BRINP3: variants seen among roughly 807,000 people sequenced by gnomAD.
BRINP3 encodes the protein BMP/retinoic acid inducible neural specific 3, also known as BMP/retinoic acid-inducible neural-specific protein 3.
BRINP3 carries 19 observed loss-of-function variants against 71.0 expected under a neutral mutation model. That is an observed-to-expected ratio of 0.27 (90% CI 0.19 to 0.39). The LOEUF (loss-of-function observed/expected upper bound fraction) is 0.39. Among genes scored for constraint, BRINP3 ranks in the 10% least tolerant of loss-of-function variants. The pLI is 1.00. For missense variants in BRINP3, 959 were observed against 940.8 expected, an observed-to-expected ratio of 1.02 and a Z score of -0.25; for synonymous variants, 380 against 337.7, an observed-to-expected ratio of 1.13 and a Z score of -1.37.
intron 5 of BRINP3, among the ~76,000 whole-genome samples, chr1:190,233,482 C>T (rs968812924): frequency 3.9e-5 from 6 of 152,038 alleles, no homozygotes; most frequent in Non-Finnish European, 1.5e-5. Context: ...CGTGGGGACA[C>T]TGATACATTT....
chr1:190,318,738 C>T (rs1045798613), intron 2 of BRINP3, among the ~76,000 whole-genome samples: 10 of 152,004 alleles, frequency 6.6e-5, no homozygotes, highest in Admixed American at 6.6e-4. Flanking sequence ...TTCCTCATCC[C>T]TAAAATGATT....
At chr1:190,252,357 G>A (rs1000710798) in intron 4 of BRINP3, among the ~76,000 whole-genome samples, 2 of 151,986 alleles carry the variant, frequency 1.3e-5, no homozygotes, top group African/African-American at 4.8e-5. Context: ...AAAATAGATA[G>A]CAACTGTGTG....
At chr1:190,281,795 G>T (rs773014386) in intron 2 of BRINP3, 45 bp from the exon 3 acceptor site, 2 of 1,551,946 alleles carry the variant, frequency 1.3e-6, no homozygotes, top group Non-Finnish European at 1.7e-6. Context: ...TAATCTATCT[G>T]AATGTTTTCA....
At chr1:190,314,782 A>G (rs1023279949) in intron 2 of BRINP3, among the ~76,000 whole-genome samples, 7 of 152,188 alleles carry the variant, frequency 4.6e-5, no homozygotes, top group Non-Finnish European at 7.3e-5. Flanking sequence ...AAAACAAATC[A>G]AATCCCTAAA....
intron 6 of BRINP3, among the ~76,000 whole-genome samples, chr1:190,191,536 G>A (rs1558050253): frequency 6.6e-6 from 1 of 152,074 alleles, no homozygotes; most frequent in Admixed American, 6.6e-5. Context: ...TTAGTTTGCT[G>A]AGGATGATGG....
chr1:190,413,279 A>T (rs2102419155), intron 2 of BRINP3, among the ~76,000 whole-genome samples: 1 of 152,192 alleles, frequency 6.6e-6, no homozygotes, highest in South Asian at 2.1e-4. Flanking sequence ...ATCCTAGGGG[A>T]CTGATATAAT....
At position 190,197,783 on chromosome 1, in the gene BRINP3, G is replaced by C. The variant is rs936627669; in HGVS notation, c.961+28299C>G. The stretch of plus-strand genomic sequence containing the variant: ...GTCTGTGGCTTTTCCATGTGCAGAG[G>C]GCAAGCTGTTGGTGGGTCTACCATT... On this transcript the variant is annotated intron_variant, in intron 6 of 7. Coordinates refer to ENST00000367462, the MANE Select transcript of BRINP3 (RefSeq NM_199051.3). Among the ~76,000 whole-genome samples, 6 of 152,100 alleles carry C rather than the reference G, an allele frequency of 3.9e-5. 1 individual carries two copies. Among genetic ancestry groups the C allele is most frequent in the Non-Finnish European group, 8.8e-5 (6 of 68,006 alleles).
chr1:190,350,978 A>G (rs972123437), intron 2 of BRINP3, among the ~76,000 whole-genome samples: 3 of 151,946 alleles, frequency 2.0e-5, no homozygotes, highest in African/African-American at 2.4e-5. Flanking sequence ...ATGTGCCATC[A>G]TGCCAGGCTA....
chr1:190,257,828 T>C (rs1660805571), intron 4 of BRINP3, among the ~76,000 whole-genome samples: 1 of 152,166 alleles, frequency 6.6e-6, no homozygotes, highest in Admixed American at 6.5e-5. Flanking sequence ...GCAGCAAATA[T>C]TGCTGCCTGT....
At chr1:190,329,501 G>T (rs1239200103) in intron 2 of BRINP3, among the ~76,000 whole-genome samples, 1 of 151,342 alleles carries the variant, frequency 6.6e-6, no homozygotes, top group Non-Finnish European at 1.5e-5. Context: ...CCTCTACACA[G>T]CTACAAAATA....
At chr1:190,334,365 A>C (rs1298195913) in intron 2 of BRINP3, among the ~76,000 whole-genome samples, 1 of 151,832 alleles carries the variant, frequency 6.6e-6, no homozygotes, top group East Asian at 1.9e-4. Flanking sequence ...GAATTTTGCA[A>C]GTCTTGGCTA....
At chr1:190,341,677 A>G (rs1667665276) in intron 2 of BRINP3, among the ~76,000 whole-genome samples, 1 of 151,826 alleles carries the variant, frequency 6.6e-6, no homozygotes, top group Non-Finnish European at 1.5e-5. Context: ...AGATGACTAT[A>G]AGATGGGAAA....
chr1:190,331,959 G>A (rs1442778591), intron 2 of BRINP3, among the ~76,000 whole-genome samples: 1 of 151,796 alleles, frequency 6.6e-6, no homozygotes, highest in Admixed American at 6.6e-5. Flanking sequence ...TCTTAATATG[G>A]TTGTTATTAT....
At chr1:190,409,353 AAT>A (rs1294844948) in intron 2 of BRINP3, among the ~76,000 whole-genome samples, 2 of 152,242 alleles carry the variant, frequency 1.3e-5, no homozygotes, top group African/African-American at 4.8e-5. Context: ...TAGGTTAAAA[AAT>A]ATTACTATGG....
chr1:190,217,566 A>G (rs761108668), intron 6 of BRINP3, among the ~76,000 whole-genome samples: 2 of 152,028 alleles, frequency 1.3e-5, no homozygotes, highest in African/African-American at 2.4e-5. Context: ...AATTAAAAAT[A>G]ATATAAATAT....
At position 190,274,821 on chromosome 1, in the gene BRINP3, A is replaced by T. The variant is rs539833349; in HGVS notation, c.427+6739T>A. 4.0e-5 allele frequency among the ~76,000 whole-genome samples: 6 copies of T among 151,694 alleles called. No individual in the cohort carries two copies. The South Asian group carries it at 1.2e-3, about 31-fold the overall frequency. On this transcript the variant is annotated intron_variant, in intron 3 of 7. Coordinates refer to ENST00000367462, the MANE Select transcript of BRINP3 (RefSeq NM_199051.3). ...TGGGGGAAAAAAGTGTTTTAGAAAT[A>T]GATATACATAAGAAGAAAAAAAACA...
At chr1:190,309,838 GGTTAATTCTAGTTATA>G in intron 2 of BRINP3, among the ~76,000 whole-genome samples, 1 of 151,500 alleles carries the variant, frequency 6.6e-6, no homozygotes, top group Non-Finnish European at 1.5e-5. Context: ...AATATTACTT[GGTTAATTCTAGTTATA>G]AAAATAACAT....
chr1:190,211,058 C>T (rs1051213238), intron 6 of BRINP3, among the ~76,000 whole-genome samples: 15 of 152,066 alleles, frequency 9.9e-5, no homozygotes, highest in Non-Finnish European at 1.9e-4. Context: ...ACACTGTCAG[C>T]TTCCCTACTT....
chr1:190,457,954 G>A (rs1676116173), intron 1 of BRINP3, among the ~76,000 whole-genome samples: 2 of 150,786 alleles, frequency 1.3e-5, no homozygotes, highest in South Asian at 2.1e-4. Context: ...TATATTTAAG[G>A]CGTATAGCAT....
Sources: allele counts gnomAD v4.1 joint callset (sites outside exome capture counted in the v4.1 genomes callset), GRCh38; gene constraint gnomAD v4.1.1; transcripts MANE v1.5; gene names NCBI Gene and HGNC (gene_info 2026-07-23, HGNC 2026-07-21).